Variants in MYO3A observed in about 807,000 individuals in gnomAD.
MYO3A encodes the protein myosin-IIIa.
Under a neutral mutation model 192.7 loss-of-function variants are expected in MYO3A, and 180 were observed. That is an observed-to-expected ratio of 0.93 (90% confidence interval 0.83 to 1.06). MYO3A has a LOEUF of 1.06. Ranked by LOEUF, MYO3A falls within the 50% of genes least tolerant of loss-of-function variation. The pLI is 0.00. For synonymous variants in MYO3A, 628 were observed against 645.3 expected, an observed-to-expected ratio of 0.97 and a Z score of 0.41; for missense variants, 1,896 against 1,905.0, an observed-to-expected ratio of 1.00 and a Z score of 0.09.
intron 4 of MYO3A, among the ~76,000 whole-genome samples, chr10:25,990,487 AAG>A (rs1441175506): frequency 6.6e-5 from 10 of 151,564 alleles, no homozygotes; most frequent in Admixed American, 5.3e-4. Context: ...TTTAAGGTAA[AAG>A]AGTTGTATTT....
At chr10:25,957,516 T>G (rs575437632) in intron 4 of MYO3A, among the ~76,000 whole-genome samples, 94 of 152,294 alleles carry the variant, frequency 6.2e-4, no homozygotes, top group Non-Finnish European at 5.9e-5. Flanking sequence ...TGATTTCATG[T>G]TTTTGCTATT....
chr10:25,978,705 A>T (rs909204732), intron 4 of MYO3A, among the ~76,000 whole-genome samples: 1 of 152,218 alleles, frequency 6.6e-6, no homozygotes, highest in African/African-American at 2.4e-5. Context: ...TATAGATCCT[A>T]TGTAGGAAAT....
intron 6 of MYO3A, among the ~76,000 whole-genome samples, chr10:26,009,691 C>CTATGATGTG (rs1841498135): frequency 6.6e-6 from 1 of 152,210 alleles, no homozygotes; most frequent in African/African-American, 2.4e-5. Context: ...GTGTGCTTCT[C>CTATGATGTG]TATGATGTGA....
chr10:26,174,046 A>G lies in MYO3A; in HGVS notation c.3782A>G (p.Lys1261Arg). 1 of 1,613,720 alleles carries G rather than the reference A, an allele frequency of 6.2e-7. No homozygotes were observed. Among genetic ancestry groups the G allele is most frequent in the Non-Finnish European group, 8.5e-7 (1 of 1,179,960 alleles). Residue 1261 changes from lysine (K) to arginine (R), a missense_variant, in exon 30 of 35, where the codon AAG (lysine) becomes AGG (arginine). Coordinates refer to ENST00000642920, the MANE Select transcript of MYO3A (RefSeq NM_017433.5). ...TCAAAAGCAGCATATCTAGAAAGGA[A>G]GGCCATATCAGAAAGGCCAAGCTAC... Reference protein sequence around the residue: ...EESKAAYLERKAISERPSYPV... With the variant: ...EESKAAYLERRAISERPSYPV...
chr10:26,165,953 A>T, intron 26 of MYO3A, 114 bp from the exon 27 acceptor site: 1 of 891,416 alleles, frequency 1.1e-6, no homozygotes, highest in Non-Finnish European at 1.9e-6. Context: ...ATTTCTCCGC[A>T]TCAAGTCTGG....
chr10:25,934,854 G>C (rs931170518), intron 1 of MYO3A, among the ~76,000 whole-genome samples: 2 of 152,050 alleles, frequency 1.3e-5, no homozygotes, highest in African/African-American at 4.8e-5. Context: ...AGGAGGGAAC[G>C]GGAAGGGTGG....
intron 6 of MYO3A, among the ~76,000 whole-genome samples, chr10:26,006,705 C>G (rs1264137830): frequency 6.6e-6 from 1 of 151,950 alleles, no homozygotes; most frequent in Non-Finnish European, 1.5e-5. Flanking sequence ...TCTGAATAGA[C>G]CAATAACAGG....
intron 8 of MYO3A, chr10:26,021,888 G>T: frequency 1.9e-6 from 1 of 525,122 alleles, no homozygotes; most frequent in Non-Finnish European, 3.4e-6. Flanking sequence ...CTTTTGCTAG[G>T]ATTTGATTTC....
intron 6 of MYO3A, among the ~76,000 whole-genome samples, chr10:26,005,403 C>T (rs1841124232): frequency 2.6e-5 from 4 of 152,154 alleles, no homozygotes; most frequent in Non-Finnish European, 5.9e-5. Context: ...ACTAAAAGCA[C>T]CACATAATCC....
At position 26,211,803 on chromosome 10, in the gene MYO3A, GT is replaced by G. The variant is rs770460615; in HGVS notation, c.4731-39del. On this transcript the variant is annotated intron_variant, in intron 34 of 34. Transcript: ENST00000642920. ...GGTAGGTGGGGACGCGCTGCTCACTGTGGTGAGGTTGACACTTGGGCCCTGG... is the reference window on the plus strand; with the variant it reads ...GGTAGGTGGGGACGCGCTGCTCACTGGGTGAGGTTGACACTTGGGCCCTGG... 5 of 1,613,516 alleles carry G rather than the reference GT, an allele frequency of 3.1e-6. No individual in the cohort carries two copies. The East Asian group carries it at 1.1e-4, about 36-fold the overall frequency.
chr10:26,046,497 C>G (rs1843644622), intron 10 of MYO3A, among the ~76,000 whole-genome samples: 1 of 152,166 alleles, frequency 6.6e-6, no homozygotes, highest in Admixed American at 6.5e-5. Flanking sequence ...GTGCCCTCAC[C>G]CTGGAGCACA....
At chr10:25,958,184 G>A (rs925410522) in intron 4 of MYO3A, among the ~76,000 whole-genome samples, 2 of 152,082 alleles carry the variant, frequency 1.3e-5, no homozygotes, top group African/African-American at 4.8e-5. Context: ...AGAATGGATG[G>A]TATTGCCTAG....
At chr10:26,120,424 T>C (rs946069826) in intron 17 of MYO3A, among the ~76,000 whole-genome samples, 6 of 152,256 alleles carry the variant, frequency 3.9e-5, no homozygotes, top group Non-Finnish European at 5.9e-5. Flanking sequence ...TTTTATTTTT[T>C]ATTCATATTT....
chr10:26,115,163 A>G (rs1187773728), intron 17 of MYO3A, among the ~76,000 whole-genome samples: 1 of 152,170 alleles, frequency 6.6e-6, no homozygotes, highest in African/African-American at 2.4e-5. Context: ...AAGGATTTTA[A>G]CTGGAGACAT....
intron 4 of MYO3A, among the ~76,000 whole-genome samples, chr10:25,987,767 T>C (rs1304249134): frequency 1.3e-5 from 2 of 152,088 alleles, no homozygotes; most frequent in African/African-American, 2.4e-5. Context: ...AACACCACTA[T>C]GGAACCACTA....
At chr10:26,020,866 A>C (rs562151538) in intron 7 of MYO3A, among the ~76,000 whole-genome samples, 1 of 152,314 alleles carries the variant, frequency 6.6e-6, no homozygotes, top group Admixed American at 6.5e-5. Context: ...GATTACTGAC[A>C]TGTTTTAAAA....
At chr10:26,153,380 G>T (rs921860656) in intron 23 of MYO3A, among the ~76,000 whole-genome samples, 1 of 152,144 alleles carries the variant, frequency 6.6e-6, no homozygotes, top group Non-Finnish European at 1.5e-5. Context: ...TCCTTAGAAT[G>T]AAGCACGTTT....
Position 26,068,921 on chromosome 10 carries a change from C to T in MYO3A, c.1170+37C>T, listed in dbSNP as rs539540048. The T allele has an allele frequency of 8.8e-6, 11 of 1,243,186 alleles. No homozygotes were observed. The South Asian group carries it at 1.3e-4, about 15-fold the overall frequency. The allele number at this position is 1,243,186 out of a possible 1,614,324, so 77.0% of individuals were successfully genotyped here. ...GGGGTGCATTCTGTTACTTCATACA[C>T]ATAATTATACATTCAGATACTTAAA... On this transcript the variant is annotated intron_variant, in intron 12 of 34. Coordinates refer to ENST00000642920, the MANE Select transcript of MYO3A (RefSeq NM_017433.5).
At chr10:26,122,690 C>G (rs1468745711) in intron 18 of MYO3A, among the ~76,000 whole-genome samples, 1 of 152,028 alleles carries the variant, frequency 6.6e-6, no homozygotes, top group African/African-American at 2.4e-5. Context: ...CCCCCTTTCC[C>G]TCTCCATCAC....
Sources: gnomAD v4.1 joint callset for allele counts (sites outside exome capture counted in the v4.1 genomes callset) on GRCh38, gnomAD v4.1.1 for gene constraint, MANE v1.5 for transcripts, NCBI Gene and HGNC (gene_info 2026-07-23, HGNC 2026-07-21) for gene names.